Variants in ANK2 observed in about 807,000 individuals in gnomAD.
ANK2 encodes ankyrin 2, also known as ankyrin-2.
ANK2 carries 83 observed loss-of-function variants against 360.5 expected under a neutral mutation model. That is an observed-to-expected ratio of 0.23 (90% CI 0.19 to 0.28). The LOEUF (loss-of-function observed/expected upper bound fraction) is 0.28, where lower values mean the gene tolerates loss of function less well. Ranked by LOEUF, ANK2 falls within the 10% of genes least tolerant of loss-of-function variation. The pLI, the probability that ANK2 is intolerant of heterozygous loss-of-function variation, is 1.00. For synonymous variants in ANK2, 1,740 were observed against 1,759.5 expected (o/e 0.99, Z 0.28); for missense variants, 4,201 against 4,795.7 (o/e 0.88, Z 3.66).
At chr4:112,992,652 G>C (rs543125002) in intron 2 of ANK2, among the ~76,000 whole-genome samples, 36 of 152,274 alleles carry the variant, frequency 2.4e-4, no homozygotes, top group African/African-American at 8.2e-4. Flanking sequence ...AGGGCAAAGA[G>C]AGGGATGACA....
intron 2 of ANK2, among the ~76,000 whole-genome samples, chr4:112,915,766 A>T (rs550930661): frequency 7.0e-6 from 1 of 142,150 alleles, no homozygotes; most frequent in African/African-American, 3.0e-5. Flanking sequence ...AAAAAAAAAT[A>T]AATAAATAAA....
chr4:112,900,699 CCCAATTT>C (rs1341611309), intron 1 of ANK2, among the ~76,000 whole-genome samples: 1 of 152,168 alleles, frequency 6.6e-6, no homozygotes. Context: ...TCTCCTTCCC[CCCAATTT>C]CCATTTCTAT....
At chr4:113,204,973 C>T (rs2098923859) in intron 4 of ANK2, among the ~76,000 whole-genome samples, 3 of 152,184 alleles carry the variant, frequency 2.0e-5, no homozygotes, top group East Asian at 1.9e-4. Context: ...CAGTGGCTCA[C>T]GCCTGTAATC....
chr4:113,226,990 G>A (rs1031288981), intron 4 of ANK2, among the ~76,000 whole-genome samples: 4 of 152,122 alleles, frequency 2.6e-5, no homozygotes, highest in African/African-American at 9.7e-5. Context: ...AGAGACATAA[G>A]GTGTTGGAAA....
intron 9 of ANK2, among the ~76,000 whole-genome samples, chr4:113,243,257 A>G (rs2040988443): frequency 6.6e-6 from 1 of 152,210 alleles, no homozygotes; most frequent in Non-Finnish European, 1.5e-5. Flanking sequence ...TAAATAGAAT[A>G]TGTCTCTTAT....
rs2153573621 is a variant in ANK2, at chr4:113,242,154, C to T, written c.836C>T (p.Thr279Ile). The T allele has an allele frequency of 6.2e-7, 1 of 1,614,036 alleles. No individual in the cohort carries two copies. Among genetic ancestry groups the T allele is most frequent in the East Asian group, 2.2e-5 (1 of 44,864 alleles). The change falls in exon 9 of 46, where the codon ACA becomes ATA. Residue 279 changes from threonine (T) to isoleucine (I), a missense_variant. Around this residue, in one of 4 missense-constraint regions of ANK2, gnomAD observed 122 missense variants for 239.3 expected, o/e 0.51. Transcript: ENST00000357077. ...PLHVASKRGNTNMVKLLLDRG... is the reference protein window; with the variant it reads ...PLHVASKRGNINMVKLLLDRG... ...CATGTGGCTTCCAAAAGAGGAAATA[C>T]AAACATGGTGAAGCTCTTACTGGAT... is the stretch of plus-strand genomic sequence containing the variant.
At chr4:112,738,724 A>C in the ANK2 span, 1 of 616,254 alleles carries the variant, frequency 1.6e-6, no homozygotes, top group Admixed American at 1.9e-5. Context: ...AAGAGAACCA[A>C]GAAGTTCATC....
intron 14 of ANK2, among the ~76,000 whole-genome samples, chr4:113,271,106 G>A (rs921881554): frequency 1.3e-5 from 2 of 152,114 alleles, no homozygotes; most frequent in African/African-American, 2.4e-5. Context: ...CTCTGATTCC[G>A]CATCTTTCTC....
At chr4:113,138,159 C>T (rs921772078) in intron 1 of ANK2, among the ~76,000 whole-genome samples, 2 of 152,130 alleles carry the variant, frequency 1.3e-5, no homozygotes, top group African/African-American at 4.8e-5. Context: ...TACATTTACT[C>T]TAAAGAGATC....
At chr4:112,760,323 A>T in the ANK2 span, among the ~76,000 whole-genome samples, 1 of 151,706 alleles carries the variant, frequency 6.6e-6, no homozygotes, top group Admixed American at 6.6e-5. Flanking sequence ...AGTAGCTGGG[A>T]CTACAGGCGC....
the ANK2 span, among the ~76,000 whole-genome samples, chr4:112,706,079 G>A: frequency 2.3e-4 from 35 of 151,180 alleles, no homozygotes; most frequent in South Asian, 2.1e-3. Context: ...GGCCCGACGC[G>A]GAGGAGACCG....
At chr4:112,964,421 A>G (rs2036274446) in intron 2 of ANK2, among the ~76,000 whole-genome samples, 1 of 151,742 alleles carries the variant, frequency 6.6e-6, no homozygotes, top group Non-Finnish European at 1.5e-5. Context: ...ATAAGTGAGC[A>G]CCTGAAAAGT....
chr4:113,282,892 A>G lies in ANK2; in HGVS notation c.2079+20A>G, dbSNP rs999747614. 3 of 1,612,796 alleles carry G rather than the reference A, an allele frequency of 1.9e-6. No individual in the cohort carries two copies. The highest frequency in any genetic ancestry group is 3.3e-5 in the Admixed American group (2 of 59,962). ...ACTAAGGTATTCTGTCCTTTCTTGC[A>G]TCAATCAAGAGTGTTTTGGATGCAT... On this transcript the variant is annotated intron_variant, in intron 18 of 45. Coordinates refer to ENST00000357077, the MANE Select transcript of ANK2 (RefSeq NM_001148.6).
chr4:112,783,051 A>G, the ANK2 span, among the ~76,000 whole-genome samples: 1 of 151,994 alleles, frequency 6.6e-6, no homozygotes, highest in Non-Finnish European at 1.5e-5. Context: ...CTGGGACTAC[A>G]GGCGTGCGCC....
At chr4:112,883,058 A>G (rs1271457509) in intron 1 of ANK2, among the ~76,000 whole-genome samples, 1 of 37,080 alleles carries the variant, frequency 2.7e-5, no homozygotes, top group Non-Finnish European at 5.1e-5. Flanking sequence ...TTTTTTTTTG[A>G]GATGGAGTTT....
chr4:113,007,629 G>C (rs1008638088), intron 2 of ANK2, among the ~76,000 whole-genome samples: 25 of 152,062 alleles, frequency 1.6e-4, no homozygotes, highest in African/African-American at 5.8e-4. Flanking sequence ...GACTTCGATT[G>C]CTAAACAGTG....
rs138613058 is a variant in ANK2 at position 113,129,632 on chromosome 4, A to G, written c.85-44784A>G. On this transcript the variant is annotated intron_variant, in intron 1 of 45. Coordinates refer to ENST00000357077, the MANE Select transcript of ANK2 (RefSeq NM_001148.6). ...GAGCTGCTATATAGTACATTAAATG[A>G]TATAACCAAAATACCAGAAAACTAT... 1.8e-4 allele frequency among the ~76,000 whole-genome samples: 27 copies of G among 152,328 alleles called. No individual in the cohort carries two copies. The East Asian group carries it at 4.4e-3, about 25-fold the overall frequency.
intron 1 of ANK2, among the ~76,000 whole-genome samples, chr4:113,101,573 AT>A (rs2092837308): frequency 6.6e-6 from 1 of 152,148 alleles, no homozygotes; most frequent in African/African-American, 2.4e-5. Context: ...TCATTCATCT[AT>A]CTAAGAAAAA....
Position 112,850,151 on chromosome 4 carries a change from C to G in ANK2, c.-40+31887C>G, listed in dbSNP as rs1226322724. Among the ~76,000 whole-genome samples, 3 of 152,182 alleles carry G rather than the reference C, an allele frequency of 2.0e-5. No individual in the cohort carries two copies. The East Asian group carries it at 5.8e-4, about 29-fold the overall frequency. ...ACTATCAACTTCCCTGTTTCTCAGGCCTTTGAACTTGGACTGAAGGGCATC... is the reference window on the plus strand; with the variant it reads ...ACTATCAACTTCCCTGTTTCTCAGGGCTTTGAACTTGGACTGAAGGGCATC... On this transcript the variant is annotated intron_variant, in intron 1 of 30. Coordinates refer to the ANK2 transcript ENST00000503271.
Sources: gnomAD v4.1 joint callset for allele counts (sites outside exome capture counted in the v4.1 genomes callset) on GRCh38, gnomAD v4.1.1 for gene constraint, gnomAD v4.1.1 regional missense constraint, MANE v1.5 for transcripts, NCBI Gene and HGNC (gene_info 2026-07-23, HGNC 2026-07-21) for gene names.